The following UNC5C variants were observed in gnomAD, a reference collection of about 807,000 sequenced individuals.
The protein encoded by UNC5C is unc-5 netrin receptor C.
A neutral mutation model predicts 99.8 loss-of-function variants in UNC5C; 47 were observed. That is an observed-to-expected ratio of 0.47 (90% CI 0.37 to 0.60). UNC5C has a LOEUF of 0.60. Ranked by LOEUF, UNC5C falls within the 20% of genes least tolerant of loss-of-function variation. The pLI, the probability that UNC5C is intolerant of heterozygous loss-of-function variation, is 0.00. For missense variants in UNC5C, 1,062 were observed against 1,165.9 expected (o/e 0.91, Z 1.30); for synonymous variants, 487 against 452.2 (o/e 1.08, Z -0.98).
chr4:95,278,383 A>G (rs1202186164), intron 3 of UNC5C, 21 bp from the exon 4 acceptor site: 1 of 1,582,340 alleles, frequency 6.3e-7, no homozygotes. Flanking sequence ...AAAGTGACAA[A>G]ATACATGTCA....
At chr4:95,529,271 T>C (rs1722576535) in intron 1 of UNC5C, among the ~76,000 whole-genome samples, 1 of 148,830 alleles carries the variant, frequency 6.7e-6, no homozygotes, top group South Asian at 2.1e-4. Flanking sequence ...ATACATTACA[T>C]GTATGTATTT....
chr4:95,184,444 A>G (rs1010060432), intron 13 of UNC5C, among the ~76,000 whole-genome samples: 6 of 152,300 alleles, frequency 3.9e-5, no homozygotes, highest in African/African-American at 9.6e-5. Context: ...GAGGCTTGCA[A>G]TCCCGCCAAA....
At chr4:95,202,635 GCACA>G (rs1165989441) in intron 12 of UNC5C, 92 bp downstream of exon 12, 3 of 1,198,636 alleles carry the variant, frequency 2.5e-6, no homozygotes, top group African/African-American at 1.5e-5. Flanking sequence ...ACACTTGGGT[GCACA>G]CACACAGCCA....
intron 1 of UNC5C, among the ~76,000 whole-genome samples, chr4:95,398,799 C>CA (rs895197328): frequency 1.3e-5 from 2 of 152,032 alleles, no homozygotes; most frequent in African/African-American, 2.4e-5. Flanking sequence ...TAATTGGTAG[C>CA]AAAAAACTTC....
At chr4:95,510,603 T>C (rs889767183) in intron 1 of UNC5C, among the ~76,000 whole-genome samples, 1 of 152,124 alleles carries the variant, frequency 6.6e-6, no homozygotes, top group Non-Finnish European at 1.5e-5. Context: ...TAATGTTATT[T>C]AGTCCTTCAG....
chr4:95,388,988 T>C (rs904653721), intron 1 of UNC5C, among the ~76,000 whole-genome samples: 3 of 152,106 alleles, frequency 2.0e-5, no homozygotes, highest in Non-Finnish European at 4.4e-5. Flanking sequence ...CTATTTAACA[T>C]TTTTTTCAAA....
chr4:95,318,856 G>A (rs1742573483), intron 2 of UNC5C, among the ~76,000 whole-genome samples: 1 of 152,230 alleles, frequency 6.6e-6, no homozygotes, highest in East Asian at 1.9e-4. Flanking sequence ...GAAAGCAGGA[G>A]CTCTATCCAT....
intron 7 of UNC5C, among the ~76,000 whole-genome samples, chr4:95,221,375 A>T (rs1318915876): frequency 6.6e-6 from 1 of 152,176 alleles, no homozygotes; most frequent in Admixed American, 6.5e-5. Context: ...TGTAGGTCCC[A>T]TGACCTCCTA....
chr4:95,164,951 T>C lies in UNC5C; in HGVS notation c.*4283A>G, dbSNP rs1735805234. The C allele has an allele frequency of 6.6e-6, 1 of 152,260 alleles. No individual in the cohort carries two copies. Among genetic ancestry groups the C allele is most frequent in the African/African-American group, 2.4e-5 (1 of 41,472 alleles). 9.4% of individuals were successfully genotyped at this position (152,260 alleles called of 1,614,324 possible). A position where few individuals can be genotyped will look rare whatever the true frequency, so the allele number is the denominator to read the frequency against. ...CCTGGCCCCATAGGGGCAGACCTTA[T>C]AGAGGCAAAGACCTTTGAATTCTGG... On this transcript the variant is annotated 3_prime_UTR_variant, in exon 16 of 16. Coordinates refer to ENST00000453304, the MANE Select transcript of UNC5C (RefSeq NM_003728.4).
intron 2 of UNC5C, among the ~76,000 whole-genome samples, chr4:95,321,115 A>G (rs1265074953): frequency 6.6e-6 from 1 of 152,238 alleles, no homozygotes; most frequent in Admixed American, 6.5e-5. Flanking sequence ...TTTTCTATAC[A>G]GTATGAAATT....
intron 7 of UNC5C, among the ~76,000 whole-genome samples, chr4:95,222,955 G>T (rs1216694387): frequency 6.6e-6 from 1 of 152,070 alleles, no homozygotes; most frequent in Non-Finnish European, 1.5e-5. Context: ...GGTTATAAGG[G>T]TATTTATTTT....
At chr4:95,380,442 CATT>C (rs1328308628) in intron 1 of UNC5C, among the ~76,000 whole-genome samples, 1 of 126,946 alleles carries the variant, frequency 7.9e-6, no homozygotes, top group African/African-American at 3.2e-5. Flanking sequence ...ACTTAAGAAA[CATT>C]TTTTTTTTTT....
intron 7 of UNC5C, among the ~76,000 whole-genome samples, chr4:95,220,811 C>T (rs140744941): frequency 6.0e-4 from 91 of 152,296 alleles, no homozygotes; most frequent in African/African-American, 2.0e-3. Context: ...TGATAACCTT[C>T]TCTAAGTCCA....
At chr4:95,478,898 G>C (rs1262063849) in intron 1 of UNC5C, among the ~76,000 whole-genome samples, 1 of 151,754 alleles carries the variant, frequency 6.6e-6, no homozygotes, top group Non-Finnish European at 1.5e-5. Context: ...CGCTCCATTA[G>C]TTCGTGTGAG....
chr4:95,398,044 C>CTTTT lies in UNC5C; in HGVS notation c.125-62417_125-62414dup, dbSNP rs34609153. On this transcript the variant is annotated intron_variant, in intron 1 of 15. Transcript: ENST00000453304. Reference sequence around the variant, plus strand: ...CCCAATGAGAAGTAGCCAAATGTAGCTTTTTTTTTTTTTTTTTTTGCTTAT... The same window carrying CTTTT: ...CCCAATGAGAAGTAGCCAAATGTAGCTTTTTTTTTTTTTTTTTTTTTTTGCTTAT... Among the ~76,000 whole-genome samples, 258 of 95,890 alleles carry CTTTT rather than the reference C, an allele frequency of 2.7e-3. 8 individuals are homozygous for CTTTT. Among genetic ancestry groups the CTTTT allele is most frequent in the African/African-American group, 0.01 (206 of 20,454 alleles). 62.9% of individuals were successfully genotyped at this position (95,890 alleles called of 152,430 possible). A position where few individuals can be genotyped will look rare whatever the true frequency, so the allele number is the denominator to read the frequency against.
intron 7 of UNC5C, among the ~76,000 whole-genome samples, chr4:95,237,770 C>T (rs192925790): frequency 2.4e-3 from 365 of 152,126 alleles, no homozygotes; most frequent in Middle Eastern, 6.8e-3. Context: ...TGAACAGACC[C>T]GGCGCAGTGG....
At chr4:95,202,599 T>C (rs1462947434) in intron 12 of UNC5C, 132 bp downstream of exon 12, 2 of 827,772 alleles carry the variant, frequency 2.4e-6, no homozygotes, top group Non-Finnish European at 3.7e-6. Flanking sequence ...TTTAAGTGCA[T>C]CCTTTTGGGC....
chr4:95,480,062 C>G (rs1053657353), intron 1 of UNC5C, among the ~76,000 whole-genome samples: 1 of 151,522 alleles, frequency 6.6e-6, no homozygotes, highest in Admixed American at 6.6e-5. Flanking sequence ...TGTCTTGGAA[C>G]CTAGACTGGA....
chr4:95,545,772 G>GCGCGCACACACACACACACA (rs6148582), intron 1 of UNC5C, among the ~76,000 whole-genome samples: 10 of 148,316 alleles, frequency 6.7e-5, no homozygotes, highest in Non-Finnish European at 1.2e-4. Context: ...GCGCGCGCGC[G>GCGCGCACACACACACACACA]CACACACACA....
Sources: allele counts gnomAD v4.1 joint callset (sites outside exome capture counted in the v4.1 genomes callset), GRCh38; gene constraint gnomAD v4.1.1; transcripts MANE v1.5; gene names NCBI Gene and HGNC (gene_info 2026-07-23, HGNC 2026-07-21).